Variants in MACROD2 observed in about 807,000 individuals in gnomAD.
MACROD2 encodes the protein ADP-ribose glycohydrolase MACROD2.
Under a neutral mutation model 70.4 loss-of-function variants are expected in MACROD2, and 36 were observed. That is an observed-to-expected ratio of 0.51 (90% CI 0.39 to 0.68). The LOEUF (loss-of-function observed/expected upper bound fraction) is 0.68. MACROD2 is among the 30% of genes least tolerant of loss of function. MACROD2 has a pLI of 0.00. For synonymous variants in MACROD2, 172 were observed against 178.8 expected (o/e 0.96, Z 0.30); for missense variants, 496 against 538.4 (o/e 0.92, Z 0.78).
chr20:15,498,484 G>C (rs890259796), intron 7 of MACROD2, among the ~76,000 whole-genome samples: 1 of 152,194 alleles, frequency 6.6e-6, no homozygotes, highest in Admixed American at 6.5e-5. Context: ...GAAAAAAAGA[G>C]GGCTGAGTTT....
chr20:14,046,861 A>C (rs2053484853), intron 2 of MACROD2, among the ~76,000 whole-genome samples: 1 of 152,046 alleles, frequency 6.6e-6, no homozygotes, highest in African/African-American at 2.4e-5. Flanking sequence ...AAGGATAGGG[A>C]TATTCATAGC....
intron 2 of MACROD2, among the ~76,000 whole-genome samples, chr20:14,037,470 A>G (rs947017075): frequency 2.0e-5 from 3 of 152,220 alleles, no homozygotes; most frequent in African/African-American, 7.2e-5. Context: ...ACAGATACCA[A>G]TATTTTGTAT....
In MACROD2 at chr20:15,923,961, C is replaced by T. The variant is rs139910248; in HGVS notation, c.776-9315C>T. On this transcript the variant is annotated intron_variant, in intron 10 of 17. Coordinates refer to ENST00000684519, the MANE Select transcript of MACROD2 (RefSeq NM_001351661.2). ...AAAGAGAGATTAAATACACATAGAC[C>T]ACCCTCTTGTTTTTATACTTGTCAG... is the stretch of plus-strand genomic sequence containing the variant. 3.7e-3 allele frequency among the ~76,000 whole-genome samples: 558 copies of T among 152,240 alleles called. 2 individuals are homozygous for T. Among genetic ancestry groups the T allele is most frequent in the African/African-American group, 0.013 (535 of 41,530 alleles).
chr20:14,126,606 T>C (rs1206823817), intron 3 of MACROD2, among the ~76,000 whole-genome samples: 1 of 152,216 alleles, frequency 6.6e-6, no homozygotes, highest in Admixed American at 6.5e-5. Flanking sequence ...GCATAGGCAC[T>C]TTGTGTCTCC....
intron 8 of MACROD2, among the ~76,000 whole-genome samples, chr20:15,804,556 G>A (rs2063752663): frequency 6.6e-6 from 1 of 152,124 alleles, no homozygotes; most frequent in Non-Finnish European, 1.5e-5. Flanking sequence ...TAATAAAAAC[G>A]TTTTAGAGCA....
chr20:15,427,892 C>G (rs2046319231), intron 6 of MACROD2, among the ~76,000 whole-genome samples: 2 of 152,164 alleles, frequency 1.3e-5, no homozygotes, highest in African/African-American at 4.8e-5. Flanking sequence ...TTGACAATGT[C>G]TAGAAATATT....
intron 2 of MACROD2, among the ~76,000 whole-genome samples, chr20:14,082,416 T>G (rs1416252552): frequency 6.6e-6 from 1 of 150,566 alleles, no homozygotes; most frequent in Non-Finnish European, 1.5e-5. Context: ...ATGGTCTTGA[T>G]CTCCTGACCT....
intron 5 of MACROD2, among the ~76,000 whole-genome samples, chr20:14,823,115 T>C (rs1286119824): frequency 6.6e-6 from 1 of 152,126 alleles, no homozygotes; most frequent in African/African-American, 2.4e-5. Context: ...TTTTGTGTAA[T>C]CTTTGAATAT....
At chr20:14,955,710 C>G (rs941872817) in intron 5 of MACROD2, among the ~76,000 whole-genome samples, 1 of 152,082 alleles carries the variant, frequency 6.6e-6, no homozygotes, top group African/African-American at 2.4e-5. Flanking sequence ...TCCCCCACCC[C>G]CAGCCCTGCA....
At chr20:15,745,723 T>A (rs1048145677) in intron 8 of MACROD2, among the ~76,000 whole-genome samples, 4 of 152,320 alleles carry the variant, frequency 2.6e-5, no homozygotes, top group Non-Finnish European at 4.4e-5. Flanking sequence ...CCACTTAGTA[T>A]CCACATCATA....
intron 5 of MACROD2, among the ~76,000 whole-genome samples, chr20:14,787,426 G>A (rs1348093266): frequency 1.3e-5 from 2 of 152,230 alleles, no homozygotes; most frequent in Non-Finnish European, 2.9e-5. Context: ...AAAGTTGACA[G>A]TGAGTTCACT....
At chr20:15,209,706 A>G (rs1036827545) in intron 5 of MACROD2, among the ~76,000 whole-genome samples, 2 of 152,208 alleles carry the variant, frequency 1.3e-5, no homozygotes, top group Admixed American at 6.5e-5. Flanking sequence ...TGGCCTGTTC[A>G]TGCTTGTGGC....
chr20:14,731,003 ACACACATG>A (rs2071590010), intron 5 of MACROD2, among the ~76,000 whole-genome samples: 1 of 112,460 alleles, frequency 8.9e-6, no homozygotes, highest in Admixed American at 1.1e-4. Context: ...ACACACACAC[ACACACATG>A]CACACACACA....
chr20:14,418,174 A>G (rs1309856402), intron 3 of MACROD2, among the ~76,000 whole-genome samples: 1 of 152,206 alleles, frequency 6.6e-6, no homozygotes, highest in Non-Finnish European at 1.5e-5. Context: ...ACAGAATAGG[A>G]CTTTGTTCCT....
intron 15 of MACROD2, among the ~76,000 whole-genome samples, chr20:16,023,901 A>G (rs1206186963): frequency 2.0e-5 from 3 of 152,142 alleles, no homozygotes; most frequent in East Asian, 1.9e-4. Context: ...GCTGTCCTCT[A>G]CAAGGGCTGA....
In MACROD2 at chr20:15,106,639, G is replaced by A. The variant is rs6110519; in HGVS notation, c.419-123301G>A. ...AGATCCTCTCCTAGCGTGGAACAGC[G>A]TGGTATCTGCAGCCATCACCCCAGA... On this transcript the variant is annotated intron_variant, in intron 5 of 17. Coordinates refer to ENST00000684519, the MANE Select transcript of MACROD2 (RefSeq NM_001351661.2). Among the ~76,000 whole-genome samples, 799 of 152,238 alleles carry A rather than the reference G, an allele frequency of 5.2e-3. 7 individuals carry two copies. Among genetic ancestry groups the A allele is most frequent in the African/African-American group, 0.019 (781 of 41,552 alleles).
rs192219472 is a variant in MACROD2 at position 14,735,339 on chromosome 20, G to A, written c.418+50380G>A. Among the ~76,000 whole-genome samples the A allele has an allele frequency of 1.1e-4, 16 of 152,248 alleles. No individual in the cohort carries two copies. The East Asian group carries it at 1.3e-3, about 13-fold the overall frequency. ...AGACAATGAACTTGAAAAGACATTT[G>A]TCTAAAGAAGGTATACGAATGGCCA... On this transcript the variant is annotated intron_variant, in intron 5 of 17. Transcript: ENST00000684519.
intron 5 of MACROD2, among the ~76,000 whole-genome samples, chr20:14,800,377 T>A (rs2072560023): frequency 6.6e-6 from 1 of 152,124 alleles, no homozygotes; most frequent in African/African-American, 2.4e-5. Context: ...AAATTCTTAT[T>A]CATTAAAACT....
intron 5 of MACROD2, among the ~76,000 whole-genome samples, chr20:14,725,975 A>G (rs753284828): frequency 1.3e-5 from 2 of 152,208 alleles, no homozygotes; most frequent in Admixed American, 1.3e-4. Context: ...TCCTGTTATC[A>G]TGTCCCTTAC....
Sources: allele counts gnomAD v4.1 joint callset (sites outside exome capture counted in the v4.1 genomes callset), GRCh38; gene constraint gnomAD v4.1.1; transcripts MANE v1.5; gene names NCBI Gene and HGNC (gene_info 2026-07-23, HGNC 2026-07-21).